COMMD3: variants seen among roughly 807,000 people sequenced by gnomAD.
COMMD3 encodes COMM domain-containing protein 3.
COMMD3 carries 31 observed loss-of-function variants against 31.2 expected under a neutral mutation model. That is an observed-to-expected ratio of 0.99 (90% CI 0.75 to 1.34). COMMD3 has a LOEUF of 1.34. Ranked by LOEUF, COMMD3 falls within the 40% of genes most tolerant of loss-of-function variation. COMMD3 has a pLI of 0.00. For synonymous variants in COMMD3, 108 were observed against 87.3 expected, an observed-to-expected ratio of 1.24 and a Z score of -1.32; for missense variants, 274 against 236.9, an observed-to-expected ratio of 1.16 and a Z score of -1.03.
Position 22,320,057 on chromosome 10 carries a change from A to G in COMMD3, c.*59A>G, listed in dbSNP as rs151178813. The G allele has an allele frequency of 1.0e-3, 1,652 of 1,613,946 alleles. 17 individuals are homozygous for G. The African/African-American group carries it at 0.017, about 17-fold the overall frequency. On this transcript the variant is annotated 3_prime_UTR_variant, in exon 8 of 8. Transcript: ENST00000376836. ...GGAAAACCAGAAACGCCTTGCCTTC[A>G]GCTGAACCACCGTTTGTGCGAGCTG...
chr10:22,319,001 A>G lies in COMMD3; in HGVS notation c.511A>G (p.Ser171Gly), dbSNP rs767793016. ...PSYPEISFSC[S>G]MEQLQDLVGK... ...CTATCCAGAGATTAGTTTTAGTTGC[A>G]GCATGGAACAATTACAGGTACAGTA... Residue 171 changes from serine (S) to glycine (G), a missense_variant, in exon 7 of 8, where the codon AGC (serine) becomes GGC (glycine). Transcript: ENST00000376836. The G allele has an allele frequency of 6.2e-7, 1 of 1,611,572 alleles. No homozygotes were observed. The highest frequency in any genetic ancestry group is 1.7e-5 in the Admixed American group (1 of 59,344).
In COMMD3 at chr10:22,318,838, A is replaced by C; in HGVS notation, c.444A>C (p.Ala148=). ...AACTTCATAGGATGTACAGACCTGC[A>C]TATTTGGTGACCTTAAGTGTACAGG... ...TNQLHRMYRP[A]YLVTLSVQNT... The change falls in exon 6 of 8, where the codon GCA becomes GCC. Residue 148 remains alanine, a synonymous_variant. Coordinates refer to ENST00000376836, the MANE Select transcript of COMMD3 (RefSeq NM_012071.4). 6.2e-7 allele frequency: 1 copy of C among 1,614,008 alleles called. No homozygotes were observed. The highest frequency in any genetic ancestry group is 8.5e-7 in the Non-Finnish European group (1 of 1,179,938).
chr10:22,318,090 T>G lies in COMMD3; in HGVS notation c.252-15T>G. ...AATGGAGACAGAACTTTGGCTTTTT[T>G]TTTCTTTCTTCTAGCACTTATCTAG... is the stretch of plus-strand genomic sequence containing the variant. On this transcript the variant is annotated splice_polypyrimidine_tract_variant and intron_variant, in intron 2 of 7. Coordinates refer to ENST00000376836, the MANE Select transcript of COMMD3 (RefSeq NM_012071.4). The G allele has an allele frequency of 1.9e-6, 3 of 1,607,724 alleles. No homozygotes were observed. The highest frequency in any genetic ancestry group is 2.5e-6 in the Non-Finnish European group (3 of 1,178,252).
intron 7 of COMMD3, chr10:22,319,222 A>C (rs1465609526): frequency 3.7e-6 from 2 of 535,380 alleles, no homozygotes; most frequent in Non-Finnish European, 6.3e-6. Flanking sequence ...TTAATAGAGA[A>C]TTGGTCTGTA....
chr10:22,316,609 C>A, intron 1 of COMMD3, 53 bp downstream of exon 1: 1 of 1,431,878 alleles, frequency 7.0e-7, no homozygotes, highest in South Asian at 1.4e-5. Context: ...GAGGGGCGCT[C>A]GGAGAAGAGG....
chr10:22,320,233 G>T lies in COMMD3; in HGVS notation c.*235G>T, dbSNP rs892379852. 1.7e-6 allele frequency: 2 copies of T among 1,176,620 alleles called. No individual in the cohort carries two copies. The highest frequency in any genetic ancestry group is 1.6e-5 in the African/African-American group (1 of 64,170). 72.9% of individuals were successfully genotyped at this position (1,176,620 alleles called of 1,614,324 possible). A position where few individuals can be genotyped will look rare whatever the true frequency, so the allele number is the denominator to read the frequency against. ...AGTAACTGTCCATTTATCCTATTTT[G>T]ATCTTTTTCAAGTCTTCTGAAAGGA... On this transcript the variant is annotated 3_prime_UTR_variant, in exon 8 of 8. Coordinates refer to ENST00000376836, the MANE Select transcript of COMMD3 (RefSeq NM_012071.4).
chr10:22,317,432 T>C (rs1192506379), intron 1 of COMMD3: 1 of 152,842 alleles, frequency 6.5e-6, no homozygotes, highest in African/African-American at 2.4e-5. Flanking sequence ...TTGTATCTTA[T>C]ATTCTGAACT....
chr10:22,316,390 G>C lies in COMMD3; in HGVS notation c.-28G>C. ...GCGCGCGGCGCGTGTCACGTGGTGT[G>C]CGTGTCGAAGGTCACGGCGCGCTCA... On this transcript the variant is annotated 5_prime_UTR_variant, in exon 1 of 8. Transcript: ENST00000376836. 1 of 1,435,642 alleles carries C rather than the reference G, an allele frequency of 7.0e-7. No homozygotes were observed. The highest frequency in any genetic ancestry group is 9.3e-7 in the Non-Finnish European group (1 of 1,079,046). 88.9% of individuals were successfully genotyped at this position (1,435,642 alleles called of 1,614,324 possible).
chr10:22,320,013 C>A lies in COMMD3; in HGVS notation c.*15C>A. 6.2e-7 allele frequency: 1 copy of A among 1,614,060 alleles called. No individual in the cohort carries two copies. Among genetic ancestry groups the A allele is most frequent in the East Asian group, 2.2e-5 (1 of 44,870 alleles). On this transcript the variant is annotated 3_prime_UTR_variant, in exon 8 of 8. Transcript: ENST00000376836. ...CTCAGTTGTAACTTGGGGAAGTTAA[C>A]GATCCGCCCGAGTGCAGAGGAAAAC...
chr10:22,316,461 C>G lies in COMMD3; in HGVS notation c.44C>G (p.Ala15Gly), dbSNP rs918637028. 3 of 1,550,506 alleles carry G rather than the reference C, an allele frequency of 1.9e-6. No homozygotes were observed. The highest frequency in any genetic ancestry group is 1.2e-5 in the South Asian group (1 of 84,036). The stretch of plus-strand genomic sequence containing the variant: ...GTGCAGAAAGGCTTCCAGATGCTGG[C>G]GGATCCCCGCTCCTTCGACTCCAAC... ...ESVQKGFQML[A>G]DPRSFDSNAF... The change falls in exon 1 of 8, where the codon GCG (alanine) becomes GGG (glycine). Residue 15 changes from alanine (A) to glycine (G), a missense_variant. Coordinates refer to ENST00000376836, the MANE Select transcript of COMMD3 (RefSeq NM_012071.4).
Position 22,319,030 on chromosome 10 carries a change from G to T in COMMD3, c.528+12G>T. ...TGGAACAATTACAGGTACAGTATTA[G>T]GATCTATAAATATTCCTGTCTTTTT... On this transcript the variant is annotated intron_variant, in intron 7 of 7. Transcript: ENST00000376836. 3 of 1,585,592 alleles carry T rather than the reference G, an allele frequency of 1.9e-6. No homozygotes were observed. Among genetic ancestry groups the T allele is most frequent in the East Asian group, 2.2e-5 (1 of 44,622 alleles).
intron 1 of COMMD3, 98 bp downstream of exon 1, chr10:22,316,654 G>A: frequency 7.3e-7 from 1 of 1,374,550 alleles, no homozygotes. Context: ...GCCCCGGGAA[G>A]AGGAAGTCTC....
Position 22,319,036 on chromosome 10 carries a change from A to G in COMMD3, c.528+18A>G, listed in dbSNP as rs772004523. ...AATTACAGGTACAGTATTAGGATCT[A>G]TAAATATTCCTGTCTTTTTATAAAT... On this transcript the variant is annotated intron_variant, in intron 7 of 7. Transcript: ENST00000376836. The G allele has an allele frequency of 5.7e-6, 9 of 1,574,936 alleles. No homozygotes were observed. Among genetic ancestry groups the G allele is most frequent in the African/African-American group, 1.4e-5 (1 of 72,742 alleles).
chr10:22,319,712 T>A (rs1835924859), intron 7 of COMMD3: 1 of 519,330 alleles, frequency 1.9e-6, no homozygotes. Context: ...AGGATCCGGT[T>A]AGAAATCATG....
chr10:22,319,105 A>T, intron 7 of COMMD3, 87 bp downstream of exon 7: 1 of 1,391,792 alleles, frequency 7.2e-7, no homozygotes, highest in Non-Finnish European at 9.6e-7. Context: ...AAAGAAAATT[A>T]ATCTAACCAT....
At chr10:22,318,621 A>T (rs1266637634) in intron 4 of COMMD3, 32 bp from the exon 5 acceptor site, 14 of 1,578,346 alleles carry the variant, frequency 8.9e-6, no homozygotes, top group Non-Finnish European at 1.2e-5. Flanking sequence ...TTCTGAGGAG[A>T]CTATGTACGA....
In COMMD3 at chr10:22,316,575, C is replaced by T; in HGVS notation, c.139+19C>T. The T allele has an allele frequency of 6.5e-7, 1 of 1,532,674 alleles. No individual in the cohort carries two copies. The highest frequency in any genetic ancestry group is 8.8e-7 in the Non-Finnish European group (1 of 1,136,714). The allele number at this position is 1,532,674 out of a possible 1,614,324, so 94.9% of individuals were successfully genotyped here. ...GTGTTAGGTAAGCCGCTCGGCTCGG[C>T]TCGGAGCTGGATCCGCCGGGGTGGA... is the stretch of plus-strand genomic sequence containing the variant. On this transcript the variant is annotated intron_variant, in intron 1 of 7. Transcript: ENST00000376836.
At position 22,318,290 on chromosome 10, in the gene COMMD3, G is replaced by C; in HGVS notation, c.334G>C (p.Glu112Gln). ...TEYQNNKNSL[E>Q]ILLGSIGRSL... The stretch of plus-strand genomic sequence containing the variant: ...TCTCCAGAATAATAAGAATTCCCTA[G>C]AAATCCTACTGGGAAGGTAGGTACT... Residue 112 changes from glutamate to glutamine, a missense_variant, in exon 4 of 8, where the codon GAA becomes CAA. Coordinates refer to ENST00000376836, the MANE Select transcript of COMMD3 (RefSeq NM_012071.4). 3 of 1,601,756 alleles carry C rather than the reference G, an allele frequency of 1.9e-6. No homozygotes were observed. The highest frequency in any genetic ancestry group is 2.5e-6 in the Non-Finnish European group (3 of 1,177,066).
chr10:22,318,924 G>A (rs1835905531), intron 6 of COMMD3, 35 bp from the exon 7 acceptor site: 2 of 1,611,584 alleles, frequency 1.2e-6, no homozygotes, highest in Non-Finnish European at 8.5e-7. Context: ...TAAATAAACA[G>A]CGTTTCTTGT....
Sources: gnomAD v4.1 joint callset for allele counts on GRCh38, gnomAD v4.1.1 for gene constraint, MANE v1.5 for transcripts, NCBI Gene and HGNC (gene_info 2026-07-23, HGNC 2026-07-21) for gene names.